The following ZNF45 variants were observed in gnomAD, a reference collection of about 807,000 sequenced individuals.
The protein encoded by ZNF45 is BRC1744.
ZNF45 carries 4 observed loss-of-function variants against 12.0 expected under a neutral mutation model. The observed-to-expected ratio is 0.33, with a 90% confidence interval of 0.16 to 0.76. ZNF45 has a LOEUF of 0.76. Among genes scored for constraint, ZNF45 ranks in the 30% least tolerant of loss-of-function variants. The pLI, the probability that ZNF45 is intolerant of heterozygous loss-of-function variation, is 0.60. For synonymous variants in ZNF45, 272 were observed against 279.6 expected (o/e 0.97, Z 0.27); for missense variants, 700 against 813.0 (o/e 0.86, Z 1.69).
chr19:43,929,008 T>C (rs1225305004), intron 3 of ZNF45, among the ~76,000 whole-genome samples: 1 of 152,218 alleles, frequency 6.6e-6, no homozygotes. Context: ...ATGCCCATTT[T>C]ACAGACAAGG....
chr19:43,915,979 T>G (rs887130468), intron 9 of ZNF45, among the ~76,000 whole-genome samples: 1 of 152,174 alleles, frequency 6.6e-6, no homozygotes, highest in Non-Finnish European at 1.5e-5. Context: ...TAAAACCTGA[T>G]AGCAATTAAA....
At chr19:43,923,622 T>C (rs1460295871) in intron 6 of ZNF45, among the ~76,000 whole-genome samples, 1 of 152,130 alleles carries the variant, frequency 6.6e-6, no homozygotes, top group African/African-American at 2.4e-5. Context: ...GATAGTAAAA[T>C]ATGTAACATA....
At chr19:43,919,534 G>A (rs1444913605) in intron 8 of ZNF45, 39 bp downstream of exon 8, 3 of 1,599,956 alleles carry the variant, frequency 1.9e-6, no homozygotes. Flanking sequence ...AGAGACAACA[G>A]AGGGAGCCAA....
chr19:43,929,615 T>A (rs541085642), intron 3 of ZNF45, among the ~76,000 whole-genome samples: 1 of 152,296 alleles, frequency 6.6e-6, no homozygotes, highest in African/African-American at 2.4e-5. Flanking sequence ...ATACTATTCA[T>A]TGGCATTAAT....
At chr19:43,928,462 C>A (rs1271627063) in intron 3 of ZNF45, among the ~76,000 whole-genome samples, 1 of 152,040 alleles carries the variant, frequency 6.6e-6, no homozygotes, top group African/African-American at 2.4e-5. Flanking sequence ...TACAACAAAC[C>A]CCCATGACAC....
chr19:43,930,424 A>C (rs980063742), intron 3 of ZNF45, among the ~76,000 whole-genome samples: 1 of 152,226 alleles, frequency 6.6e-6, no homozygotes, highest in African/African-American at 2.4e-5. Context: ...AGAACACAGA[A>C]GTTCAAGCTC....
At chr19:43,916,478 T>C (rs1469430113) in intron 9 of ZNF45, among the ~76,000 whole-genome samples, 2 of 152,204 alleles carry the variant, frequency 1.3e-5, no homozygotes, top group African/African-American at 4.8e-5. Flanking sequence ...ATTACACCCC[T>C]GGCAATTTCC....
intron 9 of ZNF45, among the ~76,000 whole-genome samples, chr19:43,918,021 C>G (rs1972831816): frequency 6.6e-6 from 1 of 152,074 alleles, no homozygotes; most frequent in Non-Finnish European, 1.5e-5. Context: ...AAAATAAAGG[C>G]ATTGCCATAC....
chr19:43,930,322 T>C (rs1385828016), intron 3 of ZNF45, among the ~76,000 whole-genome samples: 2 of 152,106 alleles, frequency 1.3e-5, no homozygotes, highest in Non-Finnish European at 2.9e-5. Flanking sequence ...TAAGTTTCAA[T>C]GTTTGGGGGA....
Position 43,915,066 on chromosome 19 carries a change from T to C in ZNF45, c.370A>G (p.Asn124Asp), listed in dbSNP as rs1000919525. Reference sequence around the variant, plus strand: ...AACTGGCAGCCTGTTCTTTGAATATTTACCACAGAATCTTGATACTTGATT... The same window carrying C: ...AACTGGCAGCCTGTTCTTTGAATATCTACCACAGAATCTTGATACTTGATT... ...ELIKYQDSVVNIQRTGCQLEK... is the reference protein window; with the variant it reads ...ELIKYQDSVVDIQRTGCQLEK... Residue 124 changes from asparagine (N) to aspartate (D), a missense_variant, in exon 10 of 10, where the codon AAT becomes GAT. Coordinates refer to ENST00000269973, the MANE Select transcript of ZNF45 (RefSeq NM_003425.4). The C allele has an allele frequency of 1.9e-6, 3 of 1,611,910 alleles. No homozygotes were observed. Among genetic ancestry groups the C allele is most frequent in the African/African-American group, 1.3e-5 (1 of 74,794 alleles).
At chr19:43,918,625 T>A (rs566808303) in intron 9 of ZNF45, among the ~76,000 whole-genome samples, 1 of 152,276 alleles carries the variant, frequency 6.6e-6, no homozygotes, top group South Asian at 2.1e-4. Context: ...GAAATAAAAT[T>A]CCGTTGTTTA....
intron 7 of ZNF45, 99 bp downstream of exon 7, chr19:43,922,072 T>C (rs1363306858): frequency 1.6e-6 from 2 of 1,277,650 alleles, no homozygotes; most frequent in East Asian, 2.4e-5. Context: ...CTCAAATGTC[T>C]ACCGTTCTCC....
intron 3 of ZNF45, among the ~76,000 whole-genome samples, chr19:43,929,214 G>A (rs1973927995): frequency 1.3e-5 from 2 of 152,162 alleles, no homozygotes; most frequent in African/African-American, 4.8e-5. Flanking sequence ...ATATCAAAAG[G>A]CCTGAGGTTC....
Position 43,914,598 on chromosome 19 carries a change from C to G in ZNF45, c.838G>C (p.Glu280Gln), listed in dbSNP as rs747650093. The G allele has an allele frequency of 5.6e-6, 9 of 1,613,560 alleles. No individual in the cohort carries two copies. Among genetic ancestry groups the G allele is most frequent in the South Asian group, 1.1e-5 (1 of 91,032 alleles). The change falls in exon 10 of 10, where the codon GAG (glutamate) becomes CAG (glutamine). Residue 280 changes from glutamate to glutamine, a missense_variant. Coordinates refer to ENST00000269973, the MANE Select transcript of ZNF45 (RefSeq NM_003425.4). Reference protein sequence around the residue: ...HTGEKPYKCEECGVGFSQRSY... With the variant: ...HTGEKPYKCEQCGVGFSQRSY... ...CTCTGACTGAAGCCCACCCCACACT[C>G]CTCACATTTATAGGGTTTCTCTCCC...
In ZNF45 at chr19:43,913,373, T is replaced by C. The variant is rs1379773774; in HGVS notation, c.*14A>G. On this transcript the variant is annotated 3_prime_UTR_variant, in exon 10 of 10. Transcript: ENST00000269973. ...AAAATATTTCAGCACCCATCTGAGATAGTAAAACATATTTTATCGAGTTTT... is the reference window on the plus strand; with the variant it reads ...AAAATATTTCAGCACCCATCTGAGACAGTAAAACATATTTTATCGAGTTTT... 1 of 1,526,362 alleles carries C rather than the reference T, an allele frequency of 6.6e-7. No individual in the cohort carries two copies. The highest frequency in any genetic ancestry group is 1.4e-5 in the African/African-American group (1 of 71,928). The allele number at this position is 1,526,362 out of a possible 1,614,324, so 94.6% of individuals were successfully genotyped here. A position where few individuals can be genotyped will look rare whatever the true frequency, so the allele number is the denominator to read the frequency against.
At chr19:43,923,351 TGAGA>T (rs370797369) in intron 6 of ZNF45, among the ~76,000 whole-genome samples, 1 of 151,442 alleles carries the variant, frequency 6.6e-6, no homozygotes, top group Non-Finnish European at 1.5e-5. Context: ...TAAGATATTC[TGAGA>T]GAGAGAGAGA....
chr19:43,920,341 G>A (rs1206929517), intron 7 of ZNF45, among the ~76,000 whole-genome samples: 1 of 151,784 alleles, frequency 6.6e-6, no homozygotes, highest in Non-Finnish European at 1.5e-5. Context: ...ACATTTTGCT[G>A]GTGTTTTATA....
Position 43,918,883 on chromosome 19 carries a change from T to C in ZNF45, c.222A>G (p.Arg74=), listed in dbSNP as rs780201748. 5 of 1,614,060 alleles carry C rather than the reference T, an allele frequency of 3.1e-6. No homozygotes were observed. The Admixed American group carries it at 8.3e-5, about 27-fold the overall frequency. The change falls in exon 9 of 10, where the codon AGA becomes AGG. Residue 74 remains arginine (R), a synonymous_variant. Transcript: ENST00000269973. The stretch of plus-strand genomic sequence containing the variant: ...GCCCCTCCTCACCTGAGGAGTTATC[T>C]CTCTGGGTTGCCATCTTCATCATCC... The part of the protein sequence containing the change: ...KLWMMKMATQ[R]DNSSGAKNLK...
intron 3 of ZNF45, among the ~76,000 whole-genome samples, chr19:43,928,743 C>T (rs1973891092): frequency 6.6e-6 from 1 of 152,200 alleles, no homozygotes; most frequent in South Asian, 2.1e-4. Context: ...AAACAAACTG[C>T]AAGCTTCTCT....
Sources: gnomAD v4.1 joint callset for allele counts (sites outside exome capture counted in the v4.1 genomes callset) on GRCh38, gnomAD v4.1.1 for gene constraint, MANE v1.5 for transcripts, NCBI Gene and HGNC (gene_info 2026-07-23, HGNC 2026-07-21) for gene names.